The following ABCC11 variants were observed in gnomAD, a reference collection of about 807,000 sequenced individuals.
ABCC11 encodes ATP binding cassette subfamily C member 11.
ABCC11 carries 135 observed loss-of-function variants against 149.3 expected under a neutral mutation model. That is an observed-to-expected ratio of 0.90 (90% CI 0.79 to 1.04). ABCC11 has a LOEUF of 1.04. ABCC11 is among the 50% of genes least tolerant of loss of function. The pLI, the probability that ABCC11 is intolerant of heterozygous loss-of-function variation, is 0.00. For synonymous variants in ABCC11, 665 were observed against 671.4 expected (o/e 0.99, Z 0.15); for missense variants, 1,680 against 1,722.1 (o/e 0.98, Z 0.43).
intron 10 of ABCC11, among the ~76,000 whole-genome samples, chr16:48,212,530 C>T (rs1969013621): frequency 1.3e-5 from 2 of 152,130 alleles, no homozygotes; most frequent in Admixed American, 1.3e-4. Context: ...GACCTGTGAC[C>T]CAGGTTGGAC....
chr16:48,228,945 A>G (rs1970255842), intron 3 of ABCC11, among the ~76,000 whole-genome samples: 1 of 151,790 alleles, frequency 6.6e-6, no homozygotes, highest in South Asian at 2.1e-4. Flanking sequence ...ATGTGTTTCA[A>G]TGGGAAGAAA....
chr16:48,215,654 T>C (rs1242344851), intron 7 of ABCC11, among the ~76,000 whole-genome samples: 2 of 152,208 alleles, frequency 1.3e-5, no homozygotes, highest in Non-Finnish European at 2.9e-5. Context: ...AAACACTCAA[T>C]TTCAATAATT....
At chr16:48,199,039 AAT>A (rs1392190206) in intron 15 of ABCC11, among the ~76,000 whole-genome samples, 4 of 146,250 alleles carry the variant, frequency 2.7e-5, no homozygotes, top group Non-Finnish European at 3.0e-5. Context: ...GTCTCAAAAA[AAT>A]ATATATATAT....
rs1968356242 is a variant in ABCC11, at chr16:48,205,483, G to A, written c.1735C>T (p.Gln579Ter). 1 of 1,614,050 alleles carries A rather than the reference G, an allele frequency of 6.2e-7. No individual in the cohort carries two copies. The highest frequency in any genetic ancestry group is 1.3e-5 in the African/African-American group (1 of 74,922). The change falls in exon 13 of 30, where the codon CAG becomes TAG. Residue 579 changes from glutamine (Q) to a stop codon, truncating the protein, a stop_gained. Transcript: ENST00000356608. LOFTEE classifies it high-confidence loss of function. ...TTCCCGCTGACGATCCAGGCCTGCT[G>A]GGGGACATAGGCCAGGCTTCCCTGC... ...GVQGSLAYVP[Q>*]QAWIVSGNIR... is the part of the protein sequence containing the mutation.
At chr16:48,173,723 C>T (rs1039520860) in intron 26 of ABCC11, among the ~76,000 whole-genome samples, 2 of 152,204 alleles carry the variant, frequency 1.3e-5, no homozygotes, top group Non-Finnish European at 2.9e-5. Flanking sequence ...CTCCCGGGCT[C>T]ATGCGATTCA....
chr16:48,200,540 A>T, intron 14 of ABCC11, 61 bp from the exon 15 acceptor site: 1 of 1,539,598 alleles, frequency 6.5e-7, no homozygotes, highest in South Asian at 1.2e-5. Context: ...GTGTGCTCAA[A>T]TGGGTAGGCA....
At chr16:48,198,358 T>A in intron 15 of ABCC11, 83 bp from the exon 16 acceptor site, 1 of 1,383,344 alleles carries the variant, frequency 7.2e-7, no homozygotes, top group Non-Finnish European at 1.0e-6. Flanking sequence ...AATGTAAATT[T>A]AAACCATGAT....
intron 22 of ABCC11, among the ~76,000 whole-genome samples, chr16:48,186,510 T>C (rs945580633): frequency 3.9e-5 from 6 of 152,230 alleles, no homozygotes; most frequent in African/African-American, 1.2e-4. Flanking sequence ...AGGACTTGTT[T>C]GCTTGTTTGT....
intron 4 of ABCC11, among the ~76,000 whole-genome samples, chr16:48,227,497 A>AT (rs1402912905): frequency 1.3e-5 from 2 of 151,334 alleles, no homozygotes; most frequent in Admixed American, 1.3e-4. Flanking sequence ...AAAAATAGTG[A>AT]TAAAAATAAA....
chr16:48,168,567 T>C (rs1175913557), intron 28 of ABCC11, among the ~76,000 whole-genome samples: 2 of 152,210 alleles, frequency 1.3e-5, no homozygotes, highest in African/African-American at 2.4e-5. Flanking sequence ...TGTGTACATG[T>C]GTGTCTTGCC....
rs16945974 is a variant in ABCC11 at position 48,222,691 on chromosome 16, T to G, written c.684A>C (p.Gln228His). 1 of 1,613,922 alleles carries G rather than the reference T, an allele frequency of 6.2e-7. No individual in the cohort carries two copies. Among genetic ancestry groups the G allele is most frequent in the African/African-American group, 1.3e-5 (1 of 74,858 alleles). The change falls in exon 6 of 30, where the codon CAA becomes CAC. Residue 228 changes from glutamine to histidine, a missense_variant. Transcript: ENST00000356608. ...LSFSSSWIIN[Q>H]RTAIRFRAAV... is the part of the protein sequence containing the mutation. Reference sequence around the variant, plus strand: ...CTGCTCGGAACCTGATGGCTGTGCGTTGGTTGATGATCCAACTGGAGGAGA... The same window carrying G: ...CTGCTCGGAACCTGATGGCTGTGCGGTGGTTGATGATCCAACTGGAGGAGA...
Position 48,211,081 on chromosome 16 carries a change from T to C in ABCC11, c.1475A>G (p.Asn492Ser), listed in dbSNP as rs769592124. Residue 492 changes from asparagine (N) to serine (S), a missense_variant, in exon 11 of 30, where the codon AAT becomes AGT. Physicochemically the swap from Asn to Ser is conservative, Grantham distance 46. Transcript: ENST00000356608. Reference sequence around the variant, plus strand: ...GTTCCTCTCCAGCTCCAGTGCCCCATTGACGATCCCGGGACAGGTCTGTTG... The same window carrying C: ...GTTCCTCTCCAGCTCCAGTGCCCCACTGACGATCCCGGGACAGGTCTGTTG... ...SWQQTCPGIVNGALELERNGH... is the reference protein window; with the variant it reads ...SWQQTCPGIVSGALELERNGH... 2.0e-5 allele frequency: 32 copies of C among 1,614,200 alleles called. No individual in the cohort carries two copies. The South Asian group carries it at 3.2e-4, about 16-fold the overall frequency.
At chr16:48,210,424 T>C (rs1341292010) in intron 11 of ABCC11, 1 of 153,514 alleles carries the variant, frequency 6.5e-6, no homozygotes, top group Non-Finnish European at 1.5e-5. Context: ...TCATTATATA[T>C]AGATCAATAT....
intron 14 of ABCC11, among the ~76,000 whole-genome samples, chr16:48,201,104 C>A (rs1304657631): frequency 6.6e-6 from 1 of 152,166 alleles, no homozygotes; most frequent in African/African-American, 2.4e-5. Context: ...CATGTATCCC[C>A]TGAATCTAAA....
Position 48,211,183 on chromosome 16 carries a change from T to A in ABCC11, c.1373A>T (p.Glu458Val), listed in dbSNP as rs1437122334. 1.9e-6 allele frequency: 3 copies of A among 1,614,008 alleles called. No individual in the cohort carries two copies. The South Asian group carries it at 3.3e-5, about 18-fold the overall frequency. The change falls in exon 11 of 30, where the codon GAG (glutamate) becomes GTG (valine). Residue 458 changes from glutamate to valine, a missense_variant. Coordinates refer to ENST00000356608, the MANE Select transcript of ABCC11 (RefSeq NM_001370497.1). Reference protein sequence around the residue: ...VMRFKKFFLQESPVFYVQTLQ... With the variant: ...VMRFKKFFLQVSPVFYVQTLQ... ...TGTCTGGACATAGAAAACAGGGCTC[T>A]CCTGGAGGAAAAACTTCTGTAAAGA...
chr16:48,215,453 A>G, intron 7 of ABCC11, 109 bp from the exon 8 acceptor site: 2 of 1,324,332 alleles, frequency 1.5e-6, no homozygotes, highest in Non-Finnish European at 2.1e-6. Flanking sequence ...ATTTCCAAAG[A>G]GAGGTTTTCC....
At chr16:48,224,549 G>T in intron 4 of ABCC11, 120 bp from the exon 5 acceptor site, 1 of 1,146,268 alleles carries the variant, frequency 8.7e-7, no homozygotes, top group Non-Finnish European at 1.2e-6. Flanking sequence ...ATAGAACAAT[G>T]TAGTAATCTT....
Position 48,210,950 on chromosome 16 carries a change from T to G in ABCC11, c.1606A>C (p.Lys536Gln), listed in dbSNP as rs767953732. The change falls in exon 11 of 30, where the codon AAG becomes CAG. Residue 536 changes from lysine (K) to glutamine (Q), a missense_variant and splice_region_variant. Transcript: ENST00000356608. ...ELHKINLVVS[K>Q]GMMLGVCGNT... ...CTGCGTGGCCTGAACAAGGCTACCT[T>G]GGACACCACCAGGTTGATCTTGTGC... The G allele has an allele frequency of 2.5e-6, 4 of 1,613,936 alleles. No homozygotes were observed. The highest frequency in any genetic ancestry group is 3.4e-6 in the Non-Finnish European group (4 of 1,179,938).
chr16:48,216,609 C>T (rs148139668), intron 6 of ABCC11, among the ~76,000 whole-genome samples: 282 of 152,284 alleles, frequency 1.9e-3, no homozygotes, highest in Non-Finnish European at 3.2e-3. Context: ...TATTTTACTA[C>T]GATTAATACT....
Sources: allele counts gnomAD v4.1 joint callset (sites outside exome capture counted in the v4.1 genomes callset), GRCh38; gene constraint gnomAD v4.1.1; transcripts MANE v1.5; gene names NCBI Gene and HGNC (gene_info 2026-07-23, HGNC 2026-07-21).